SHC2: variants seen among roughly 807,000 people sequenced by gnomAD.
SHC2 encodes SHC adaptor protein 2.
A neutral mutation model predicts 60.6 loss-of-function variants in SHC2; 62 were observed. The observed-to-expected ratio is 1.02, with a 90% CI of 0.83 to 1.26. The LOEUF (loss-of-function observed/expected upper bound fraction) is 1.26. SHC2 is among the 50% of genes most tolerant of loss of function. The pLI is 0.00. For missense variants in SHC2, 873 were observed against 822.2 expected (o/e 1.06, Z -0.76); for synonymous variants, 375 against 372.4 (o/e 1.01, Z -0.08).
chr19:429,555 C>T (rs111536704), intron 9 of SHC2, among the ~76,000 whole-genome samples: 1 of 144,354 alleles, frequency 6.9e-6, no homozygotes, highest in Non-Finnish European at 1.5e-5. Context: ...CCAACGTGCA[C>T]AGAAACCTAA....
chr19:440,599 G>A lies in SHC2; in HGVS notation c.539+263C>T, dbSNP rs1974839430. 6.6e-6 allele frequency among the ~76,000 whole-genome samples: 1 copy of A among 152,210 alleles called. No homozygotes were observed. Among genetic ancestry groups the A allele is most frequent in the Non-Finnish European group, 1.5e-5 (1 of 68,032 alleles). On this transcript the variant is annotated intron_variant, in intron 2 of 12. Transcript: ENST00000264554. This position sits in a 1 kb window ranked among gnomAD's most constrained non-coding sequence, Gnocchi z 7.0. ...CCAGGCCCTGCACCCCACGCCGTGCGGGGACTTGCCCAGCACCCTGTGAGC... is the reference window on the plus strand; with the variant it reads ...CCAGGCCCTGCACCCCACGCCGTGCAGGGACTTGCCCAGCACCCTGTGAGC...
chr19:434,468 G>T, intron 8 of SHC2, among the ~76,000 whole-genome samples: 1 of 147,434 alleles, frequency 6.8e-6, no homozygotes, highest in Admixed American at 6.8e-5. Context: ...GAGCAAGTGA[G>T]TGAGATCGTG....
rs1412165537 is a variant in SHC2 at position 424,085 on chromosome 19, T to C, written c.1309+1012A>G. Among the ~76,000 whole-genome samples the C allele has an allele frequency of 5.9e-5, 9 of 152,098 alleles. No individual in the cohort carries two copies. In the East Asian group the frequency reaches 1.5e-3, roughly 26 times the overall value. Reference sequence around the variant, plus strand: ...GGAAAGGGAGAAATTTGCAGTTAGCTTGGGAGGCATCCTGAGCTCAGGCAA... The same window carrying C: ...GGAAAGGGAGAAATTTGCAGTTAGCCTGGGAGGCATCCTGAGCTCAGGCAA... On this transcript the variant is annotated intron_variant, in intron 10 of 12. Coordinates refer to ENST00000264554, the MANE Select transcript of SHC2 (RefSeq NM_012435.3). The surrounding 1 kb of genome is among the most constrained non-coding windows in gnomAD (Gnocchi z 4.5).
At chr19:430,537 C>T in intron 9 of SHC2, 147 bp downstream of exon 9, 7 of 651,820 alleles carry the variant, frequency 1.1e-5, no homozygotes, top group Non-Finnish European at 1.3e-5. Flanking sequence ...TGATGAAAAT[C>T]TCAGCAGAGT....
At chr19:455,456 C>G (rs1203499020) in intron 1 of SHC2, among the ~76,000 whole-genome samples, 1 of 152,228 alleles carries the variant, frequency 6.6e-6, no homozygotes, top group Non-Finnish European at 1.5e-5. Context: ...GCCTCGGCGC[C>G]GGAGGTACTG....
chr19:444,116 A>G (rs1267139991), intron 1 of SHC2, among the ~76,000 whole-genome samples: 1 of 149,394 alleles, frequency 6.7e-6, no homozygotes, highest in Non-Finnish European at 1.5e-5. Context: ...GGATGGTTGG[A>G]TGGGTGGACA....
At chr19:434,240 C>CTGAGTGAGATCATGAGTGAGTGAGATCA (rs1335301106) in intron 8 of SHC2, among the ~76,000 whole-genome samples, 10 of 3,218 alleles carry the variant, frequency 3.1e-3, no homozygotes, top group African/African-American at 9.5e-3. Flanking sequence ...GAGTGAGATC[C>CTGAGTGAGATCATGAGTGAGTGAGATCA]TGAGTGAGAT....
At chr19:430,634 G>A (rs1469467975) in intron 9 of SHC2, 50 bp downstream of exon 9, 4 of 1,506,796 alleles carry the variant, frequency 2.7e-6, no homozygotes, top group Non-Finnish European at 3.7e-6. Context: ...ACAGGGCTGA[G>A]GAGCCCCAGA....
chr19:438,452 C>T lies in SHC2; in HGVS notation c.720+266G>A, dbSNP rs1308717144. On this transcript the variant is annotated intron_variant, in intron 4 of 12. Coordinates refer to ENST00000264554, the MANE Select transcript of SHC2 (RefSeq NM_012435.3). The surrounding 1 kb of genome is among the most constrained non-coding windows in gnomAD (Gnocchi z 5.0). Reference sequence around the variant, plus strand: ...CTGGGGTGGGGCGTCCTGGCCCCTGCAGGGTGCTGAGCAGCGTCCCTGCCC... The same window carrying T: ...CTGGGGTGGGGCGTCCTGGCCCCTGTAGGGTGCTGAGCAGCGTCCCTGCCC... Among the ~76,000 whole-genome samples the T allele has an allele frequency of 2.6e-5, 4 of 151,454 alleles. No homozygotes were observed. The highest frequency in any genetic ancestry group is 5.9e-5 in the Non-Finnish European group (4 of 68,026).
At chr19:454,849 G>A (rs537875157) in intron 1 of SHC2, among the ~76,000 whole-genome samples, 33 of 151,804 alleles carry the variant, frequency 2.2e-4, no homozygotes, top group African/African-American at 6.0e-4. Flanking sequence ...CCGGAAGCCC[G>A]TCCCCTCTGG....
Position 445,356 on chromosome 19 carries a change from C to T in SHC2, c.469-4424G>A, listed in dbSNP as rs918630484. 2.0e-5 allele frequency among the ~76,000 whole-genome samples: 3 copies of T among 152,208 alleles called. No homozygotes were observed. In the East Asian group the frequency reaches 5.8e-4, roughly 29 times the overall value. On this transcript the variant is annotated intron_variant, in intron 1 of 12. Transcript: ENST00000264554. This position sits in a 1 kb window ranked among gnomAD's most constrained non-coding sequence, Gnocchi z 4.4. ...CACCACGTGAGGACACAGGAGAACACGGCCCTCTGTAAAGAGGCCCTCGCC... is the reference window on the plus strand; with the variant it reads ...CACCACGTGAGGACACAGGAGAACATGGCCCTCTGTAAAGAGGCCCTCGCC...
At chr19:436,329 G>C (rs377063884) in intron 6 of SHC2, 38 bp from the exon 7 acceptor site, 1 of 1,587,822 alleles carries the variant, frequency 6.3e-7, no homozygotes. Flanking sequence ...CGAGCCACAC[G>C]GCCGTGCCCC....
rs560191912 is a variant in SHC2 at position 440,140 on chromosome 19, T to C, written c.539+722A>G. Among the ~76,000 whole-genome samples, 1 of 137,284 alleles carries C rather than the reference T, an allele frequency of 7.3e-6. No individual in the cohort carries two copies. The highest frequency in any genetic ancestry group is 2.5e-4 in the South Asian group (1 of 4,032). 90.1% of individuals were successfully genotyped at this position (137,284 alleles called of 152,430 possible). A position where few individuals can be genotyped will look rare whatever the true frequency, so the allele number is the denominator to read the frequency against. ...ACACACGAGGCCACGCAGCGTGTGA[T>C]CCCATTGCTATGAAATGTCCAGGAC... is the stretch of plus-strand genomic sequence containing the variant. On this transcript the variant is annotated intron_variant, in intron 2 of 12. Transcript: ENST00000264554. The surrounding 1 kb of genome is among the most constrained non-coding windows in gnomAD (Gnocchi z 7.0).
At chr19:419,745 G>A (rs1427704296) in intron 11 of SHC2, 1 of 152,296 alleles carries the variant, frequency 6.6e-6, no homozygotes, top group Admixed American at 6.5e-5. Context: ...ACACAGGCCT[G>A]AAAATCTGAA....
At chr19:444,772 G>T (rs548011729) in intron 1 of SHC2, among the ~76,000 whole-genome samples, 3 of 151,968 alleles carry the variant, frequency 2.0e-5, no homozygotes, top group African/African-American at 4.8e-5. Flanking sequence ...ACTGCACGCA[G>T]ATCCGGTAAT....
intron 11 of SHC2, chr19:419,424 G>T (rs1187779059): frequency 1.7e-5 from 3 of 180,990 alleles, no homozygotes; most frequent in Non-Finnish European, 3.4e-5. Flanking sequence ...ATGAGCCAGG[G>T]GGGCCCTAAG....
At position 419,074 on chromosome 19, in the gene SHC2, C is replaced by T. The variant is rs1192119150; in HGVS notation, c.1621-18G>A. 24 of 1,562,286 alleles carry T rather than the reference C, an allele frequency of 1.5e-5. No homozygotes were observed. The highest frequency in any genetic ancestry group is 2.7e-5 in the African/African-American group (2 of 73,898). ...GTCCGTACCTGCGGGACAGAGACCT[C>T]GGCATCAGCTCCCGGGAGCCCGCCT... On this transcript the variant is annotated intron_variant, in intron 11 of 12. Coordinates refer to ENST00000264554, the MANE Select transcript of SHC2 (RefSeq NM_012435.3).
intron 11 of SHC2, among the ~76,000 whole-genome samples, chr19:420,925 C>G (rs1166774353): frequency 6.6e-6 from 1 of 152,024 alleles, no homozygotes. Context: ...TGGTGGGCGC[C>G]TGTAGTCTCA....
At chr19:430,340 A>ATGCAC (rs1273470959) in intron 9 of SHC2, among the ~76,000 whole-genome samples, 2 of 148,484 alleles carry the variant, frequency 1.3e-5, no homozygotes, top group African/African-American at 5.0e-5. Flanking sequence ...ATATCTCAAC[A>ATGCAC]TGCACAGAGA....
Sources: gnomAD v4.1 joint callset for allele counts (sites outside exome capture counted in the v4.1 genomes callset) on GRCh38, gnomAD v4.1.1 for gene constraint, Gnocchi (gnomAD v3.1) non-coding constraint, MANE v1.5 for transcripts, NCBI Gene and HGNC (gene_info 2026-07-23, HGNC 2026-07-21) for gene names.